Variants in CCSAP observed in about 807,000 individuals in gnomAD.
CCSAP encodes the protein centriole, cilia and spindle associated protein.
A neutral mutation model predicts 25.9 loss-of-function variants in CCSAP; 17 were observed. The observed-to-expected ratio is 0.66, with a 90% CI of 0.45 to 0.99. CCSAP has a LOEUF of 0.99. CCSAP is among the 50% of genes least tolerant of loss of function. The pLI is 0.00. For missense variants in CCSAP, 339 were observed against 367.8 expected (o/e 0.92, Z 0.64); for synonymous variants, 169 against 157.1 (o/e 1.08, Z -0.57).
chr1:229,326,788 T>C lies in CCSAP; in HGVS notation c.586A>G (p.Thr196Ala). Residue 196 changes from threonine (T) to alanine (A), a missense_variant, in exon 3 of 4, where the codon ACA (threonine) becomes GCA (alanine). By Grantham distance (58) the Thr-to-Ala change is moderately conservative. Transcript: ENST00000284617. ...LYGWGEKQTD[T>A]GSQKTHNVCA... ...ACGTTGTGAGTCTTCTGGCTTCCTG[T>C]ATCGGTCTGTTTTTCTCCCCAGCCA... 1 of 1,614,278 alleles carries C rather than the reference T, an allele frequency of 6.2e-7. No homozygotes were observed. The highest frequency in any genetic ancestry group is 8.5e-7 in the Non-Finnish European group (1 of 1,180,058).
intron 2 of CCSAP, chr1:229,327,696 C>T (rs986211309): frequency 7.4e-5 from 30 of 402,920 alleles, no homozygotes; most frequent in Admixed American, 6.0e-5. Context: ...GGTGAAACCC[C>T]GTCTCTACTA....
chr1:229,326,677 G>A lies in CCSAP; in HGVS notation c.636+61C>T, dbSNP rs1657947032. 3 of 1,590,302 alleles carry A rather than the reference G, an allele frequency of 1.9e-6. 1 individual carries two copies. Among genetic ancestry groups the A allele is most frequent in the Non-Finnish European group, 8.6e-7 (1 of 1,166,110 alleles). ...CAAAGGACACGATGCCCGATGACAG[G>A]CGCATGGCCCAGCTGGCCACTCTCA... On this transcript the variant is annotated intron_variant, in intron 3 of 3. Transcript: ENST00000284617.
Position 229,321,640 on chromosome 1 carries a change from T to TA in CCSAP, c.*3594dup, listed in dbSNP as rs1364834912. 6.6e-6 allele frequency: 1 copy of TA among 152,246 alleles called. No homozygotes were observed. Among genetic ancestry groups the TA allele is most frequent in the African/African-American group, 2.4e-5 (1 of 41,472 alleles). The allele number at this position is 152,246 out of a possible 1,614,324, so 9.4% of individuals were successfully genotyped here. On this transcript the variant is annotated 3_prime_UTR_variant, in exon 4 of 4. Transcript: ENST00000284617. ...CTACATAAATATTAGCACCATTTTT[T>TA]ATCTAGTCCAGTGAAATGTAAAACT... is the stretch of plus-strand genomic sequence containing the variant.
At chr1:229,329,526 C>A (rs1437625032) in intron 2 of CCSAP, among the ~76,000 whole-genome samples, 1 of 152,140 alleles carries the variant, frequency 6.6e-6, no homozygotes, top group Non-Finnish European at 1.5e-5. Context: ...GAAGAATCAT[C>A]ATGGGAGGAC....
rs1473399995 is a variant in CCSAP at position 229,323,969 on chromosome 1, G to A, written c.*1266C>T. 6.6e-6 allele frequency: 1 copy of A among 152,488 alleles called. No individual in the cohort carries two copies. The highest frequency in any genetic ancestry group is 1.9e-4 in the East Asian group (1 of 5,196). The allele number at this position is 152,488 out of a possible 1,614,324, so 9.4% of individuals were successfully genotyped here. A position where few individuals can be genotyped will look rare whatever the true frequency, so the allele number is the denominator to read the frequency against. On this transcript the variant is annotated 3_prime_UTR_variant, in exon 4 of 4. Coordinates refer to ENST00000284617, the MANE Select transcript of CCSAP (RefSeq NM_145257.5). ...TAGCAGATTCTTGTCTCCACAGGAT[G>A]GAGAAGACATCATTCATTTGATGGA...
chr1:229,340,506 G>T (rs1272661745), intron 2 of CCSAP: 1 of 707,324 alleles, frequency 1.4e-6, no homozygotes, highest in African/African-American at 1.8e-5. Flanking sequence ...ATAAAAGATC[G>T]GGGAGAGAAA....
intron 2 of CCSAP, among the ~76,000 whole-genome samples, chr1:229,329,369 G>A (rs1658017353): frequency 6.6e-6 from 1 of 152,228 alleles, no homozygotes; most frequent in Non-Finnish European, 1.5e-5. Flanking sequence ...ATGGCATGGA[G>A]AGAAGAAGAA....
chr1:229,331,480 A>C (rs899868751), intron 2 of CCSAP, among the ~76,000 whole-genome samples: 15 of 152,182 alleles, frequency 9.9e-5, no homozygotes, highest in Non-Finnish European at 1.6e-4. Flanking sequence ...GGTATTATAT[A>C]CATGTGTGTG....
At chr1:229,336,663 A>C (rs758741915) in intron 2 of CCSAP, among the ~76,000 whole-genome samples, 5 of 152,254 alleles carry the variant, frequency 3.3e-5, no homozygotes, top group Non-Finnish European at 4.4e-5. Flanking sequence ...AAATATGAGC[A>C]GACAGGCTAA....
chr1:229,329,852 A>G (rs1221592229), intron 2 of CCSAP, among the ~76,000 whole-genome samples: 5 of 152,208 alleles, frequency 3.3e-5, no homozygotes, highest in Non-Finnish European at 5.9e-5. Context: ...TTAGCCAGAC[A>G]TGGTGGTACA....
At chr1:229,334,870 G>A (rs1317245610) in intron 2 of CCSAP, among the ~76,000 whole-genome samples, 1 of 152,206 alleles carries the variant, frequency 6.6e-6, no homozygotes, top group Non-Finnish European at 1.5e-5. Flanking sequence ...CAGAGAGCAA[G>A]GGAGGTGATG....
chr1:229,342,697 G>C lies in CCSAP; in HGVS notation c.-48-184C>G, dbSNP rs932330390. Among the ~76,000 whole-genome samples, 1 of 152,002 alleles carries C rather than the reference G, an allele frequency of 6.6e-6. No homozygotes were observed. ...GGGACCAAGAGCAGAGGCGGGGACC[G>C]GGGCTGCTGGGGTCGAGGGGCGCGC... is the stretch of plus-strand genomic sequence containing the variant. On this transcript the variant is annotated intron_variant, in intron 1 of 3. Transcript: ENST00000284617. The surrounding 1 kb of genome is among the most constrained non-coding windows in gnomAD (Gnocchi z 7.5).
At chr1:229,333,429 T>G (rs1658127560) in intron 2 of CCSAP, among the ~76,000 whole-genome samples, 1 of 53,598 alleles carries the variant, frequency 1.9e-5, no homozygotes, top group Admixed American at 2.7e-4. Context: ...CGAGACTCCA[T>G]CGAAAAAAAA....
chr1:229,333,413 A>G (rs12141606), intron 2 of CCSAP, among the ~76,000 whole-genome samples: 39,570 of 145,166 alleles, frequency 0.27, 5,488 homozygotes, highest in Non-Finnish European at 0.31. Flanking sequence ...AGCCTGGGCG[A>G]CAGAGCGAGA....
At chr1:229,326,434 C>A (rs1657942031) in intron 3 of CCSAP, among the ~76,000 whole-genome samples, 1 of 152,232 alleles carries the variant, frequency 6.6e-6, no homozygotes, top group African/African-American at 2.4e-5. Context: ...TCCTAACCTT[C>A]CGGCCCCCCA....
At chr1:229,333,248 C>T (rs552443603) in intron 2 of CCSAP, among the ~76,000 whole-genome samples, 52 of 151,662 alleles carry the variant, frequency 3.4e-4, no homozygotes, top group South Asian at 1.0e-3. Flanking sequence ...CTGGGTAACA[C>T]GGTGAAACCC....
chr1:229,326,782 T>G lies in CCSAP; in HGVS notation c.592A>C (p.Ser198Arg). The change falls in exon 3 of 4, where the codon AGC becomes CGC. Residue 198 changes from serine (S) to arginine (R), a missense_variant. Physicochemically the swap from Ser to Arg is moderately radical, Grantham distance 110. Coordinates refer to ENST00000284617, the MANE Select transcript of CCSAP (RefSeq NM_145257.5). ...GCACAGACGTTGTGAGTCTTCTGGC[T>G]TCCTGTATCGGTCTGTTTTTCTCCC... ...GWGEKQTDTGSQKTHNVCASA... is the reference protein window; with the variant it reads ...GWGEKQTDTGRQKTHNVCASA... 6.2e-7 allele frequency: 1 copy of G among 1,614,254 alleles called. No homozygotes were observed. The highest frequency in any genetic ancestry group is 8.5e-7 in the Non-Finnish European group (1 of 1,180,052).
chr1:229,326,342 CGAAGCTGAAG>C (rs1306970101), intron 3 of CCSAP, among the ~76,000 whole-genome samples: 2 of 152,242 alleles, frequency 1.3e-5, no homozygotes, highest in African/African-American at 4.8e-5. Context: ...GCCAGGTTAT[CGAAGCTGAAG>C]GAAGCTGAAA....
At chr1:229,334,430 CAT>C (rs1658148675) in intron 2 of CCSAP, among the ~76,000 whole-genome samples, 2 of 151,760 alleles carry the variant, frequency 1.3e-5, no homozygotes, top group African/African-American at 4.8e-5. Flanking sequence ...CATGGCAAAA[CAT>C]GCGTGATGCA....
Sources: gnomAD v4.1 joint callset for allele counts (sites outside exome capture counted in the v4.1 genomes callset) on GRCh38, gnomAD v4.1.1 for gene constraint, Gnocchi (gnomAD v3.1) non-coding constraint, MANE v1.5 for transcripts, NCBI Gene and HGNC (gene_info 2026-07-23, HGNC 2026-07-21) for gene names.